Variants in GLIS2 observed in about 807,000 individuals in gnomAD.
GLIS2 encodes GLIS family zinc finger 2.
In GLIS2, 14 loss-of-function variants were observed where a neutral mutation model predicts 35.6. That is an observed-to-expected ratio of 0.39 (90% confidence interval 0.26 to 0.61). The LOEUF is 0.61. GLIS2 is among the 20% of genes least tolerant of loss of function. GLIS2 has a pLI of 0.48. For missense variants in GLIS2, 675 were observed against 713.4 expected, an observed-to-expected ratio of 0.95 and a Z score of 0.61; for synonymous variants, 368 against 325.1, an observed-to-expected ratio of 1.13 and a Z score of -1.42.
At chr16:4,331,893 G>A in intron 1 of GLIS2, 1 of 354,264 alleles carries the variant, frequency 2.8e-6, no homozygotes, top group Non-Finnish European at 5.5e-6. Flanking sequence ...AGGCTGCAGT[G>A]AGCTATGATT....
chr16:4,337,015 C>A lies in GLIS2; in HGVS notation c.1066C>A (p.Pro356Thr). ...TGTCAGTGGGGCCCAGATCATCATCCCCAACCCAGCTGCCCTCTTTGGAGG... is the reference window on the plus strand; with the variant it reads ...TGTCAGTGGGGCCCAGATCATCATCACCAACCCAGCTGCCCTCTTTGGAGG... ...PYVSGAQIII[P>T]NPAALFGGPG... Residue 356 changes from proline (P) to threonine (T), a missense_variant, in exon 7 of 7, where the codon CCC (proline) becomes ACC (threonine). Pro to Thr is a conservative substitution (Grantham distance 38, BLOSUM62 -1). Around this residue, in one of 3 missense-constraint regions of GLIS2, gnomAD observed 317 missense variants for 283.2 expected, o/e 1.12. Transcript: ENST00000433375. 6.2e-7 allele frequency: 1 copy of A among 1,603,260 alleles called. No individual in the cohort carries two copies. Among genetic ancestry groups the A allele is most frequent in the Non-Finnish European group, 8.5e-7 (1 of 1,177,686 alleles).
chr16:4,332,519 A>C lies in GLIS2; in HGVS notation c.172+67A>C. ...AGTCATGGTGACAGGGAGAATGGCCAAGTGTGTCCACCAGCATGTAGCTGC... is the reference window on the plus strand; with the variant it reads ...AGTCATGGTGACAGGGAGAATGGCCCAGTGTGTCCACCAGCATGTAGCTGC... On this transcript the variant is annotated intron_variant, in intron 2 of 6. Transcript: ENST00000433375. The surrounding 1 kb of genome is among the most constrained non-coding windows in gnomAD (Gnocchi z 5.4). 6.4e-7 allele frequency: 1 copy of C among 1,557,460 alleles called. No homozygotes were observed. Among genetic ancestry groups the C allele is most frequent in the South Asian group, 1.1e-5 (1 of 88,038 alleles).
rs544146062 is a variant in GLIS2, at chr16:4,331,657, T to A, written c.-66-558T>A. The A allele has an allele frequency of 6.3e-5, 10 of 158,662 alleles. No individual in the cohort carries two copies. The South Asian group carries it at 1.6e-3, about 26-fold the overall frequency. The allele number at this position is 158,662 out of a possible 1,614,324, so 9.8% of individuals were successfully genotyped here. A position where few individuals can be genotyped will look rare whatever the true frequency, so the allele number is the denominator to read the frequency against. The stretch of plus-strand genomic sequence containing the variant: ...GAGGCGATGCCTGTAAAAGACGCAG[T>A]TTCGCCAAGCGTGGTGGCTCAGGCA... On this transcript the variant is annotated intron_variant, in intron 1 of 6. Coordinates refer to ENST00000433375, the MANE Select transcript of GLIS2 (RefSeq NM_032575.3).
At chr16:4,318,092 C>G (rs903846118) in intron 1 of GLIS2, among the ~76,000 whole-genome samples, 5 of 152,184 alleles carry the variant, frequency 3.3e-5, no homozygotes, top group Non-Finnish European at 7.3e-5. Context: ...CCCTGGGAAG[C>G]CAGACAGTGA....
At chr16:4,336,134 T>C (rs2053548632) in intron 6 of GLIS2, 1 of 195,914 alleles carries the variant, frequency 5.1e-6, no homozygotes, top group Non-Finnish European at 1.1e-5. Context: ...TGCCAGGATG[T>C]GATCTCCAAG....
At chr16:4,321,158 A>G (rs1301010041) in intron 1 of GLIS2, among the ~76,000 whole-genome samples, 3 of 152,074 alleles carry the variant, frequency 2.0e-5, no homozygotes, top group African/African-American at 4.8e-5. Flanking sequence ...GCTGGGGGCC[A>G]GGGCTGGGAG....
At chr16:4,317,609 C>T (rs558208095) in intron 1 of GLIS2, among the ~76,000 whole-genome samples, 2 of 152,264 alleles carry the variant, frequency 1.3e-5, no homozygotes, top group African/African-American at 4.8e-5. Flanking sequence ...CCCTCTGCTT[C>T]TCCTTCTCCC....
At chr16:4,317,292 C>T (rs1344249687) in intron 1 of GLIS2, among the ~76,000 whole-genome samples, 1 of 152,152 alleles carries the variant, frequency 6.6e-6, no homozygotes, top group Non-Finnish European at 1.5e-5. Flanking sequence ...CGGCTGGGGA[C>T]CTGGCCAAGG....
chr16:4,331,021 GGCT>G (rs1382690848), intron 1 of GLIS2, among the ~76,000 whole-genome samples: 1 of 152,212 alleles, frequency 6.6e-6, no homozygotes, highest in African/African-American at 2.4e-5. Context: ...CTGTCGCCCA[GGCT>G]GGAGTGCAGT....
chr16:4,329,744 A>G lies in GLIS2; in HGVS notation c.-66-2471A>G, dbSNP rs913306439. On this transcript the variant is annotated intron_variant, in intron 1 of 6. Transcript: ENST00000433375. ...TCACCATGTAGTAGTTATGTCCACC[A>G]TGGCCGCCCTTTGGTATTGAGTAAA... 4.6e-5 allele frequency among the ~76,000 whole-genome samples: 7 copies of G among 152,356 alleles called. No individual in the cohort carries two copies. In the South Asian group the frequency reaches 1.4e-3, roughly 32 times the overall value.
chr16:4,325,644 C>CG (rs2053422112), intron 1 of GLIS2, among the ~76,000 whole-genome samples: 1 of 152,066 alleles, frequency 6.6e-6, no homozygotes, highest in African/African-American at 2.4e-5. Flanking sequence ...TAGAAGATGA[C>CG]GGGCTGGGCG....
At chr16:4,326,755 ATTT>A (rs35674831) in intron 1 of GLIS2, among the ~76,000 whole-genome samples, 8,824 of 110,030 alleles carry the variant, frequency 0.08, 559 homozygotes, top group African/African-American at 0.18. Flanking sequence ...ACGCCCAGCT[ATTT>A]TTTTTTTTTT....
At chr16:4,324,627 T>C (rs1428175143) in intron 1 of GLIS2, 1 of 152,334 alleles carries the variant, frequency 6.6e-6, no homozygotes, top group African/African-American at 2.4e-5. Context: ...GGCCAAAGGC[T>C]ATGGACTCAT....
intron 1 of GLIS2, among the ~76,000 whole-genome samples, chr16:4,326,797 G>A (rs1283633847): frequency 1.5e-5 from 2 of 136,754 alleles, no homozygotes; most frequent in East Asian, 4.3e-4. Flanking sequence ...GTCTCACTCC[G>A]TCGCCCAGGC....
intron 1 of GLIS2, among the ~76,000 whole-genome samples, chr16:4,319,246 G>C (rs1360242629): frequency 6.6e-6 from 1 of 152,114 alleles, no homozygotes; most frequent in Non-Finnish European, 1.5e-5. Flanking sequence ...GAGACCACAG[G>C]GGAACCCCGG....
intron 1 of GLIS2, among the ~76,000 whole-genome samples, chr16:4,324,297 G>C (rs1187883700): frequency 6.7e-6 from 1 of 149,870 alleles, no homozygotes; most frequent in Non-Finnish European, 1.5e-5. Context: ...TGCTGGGCCA[G>C]GCCTCAGGAT....
intron 1 of GLIS2, among the ~76,000 whole-genome samples, chr16:4,331,243 G>A (rs1245389627): frequency 3.3e-5 from 5 of 152,100 alleles, no homozygotes; most frequent in African/African-American, 1.2e-4. Flanking sequence ...GCCTCCCAAA[G>A]TGCTGGGATT....
upstream of GLIS2, chr16:4,315,318 A>G (rs1006507303): frequency 6.6e-6 from 1 of 151,992 alleles, no homozygotes; most frequent in Admixed American, 6.5e-5. Flanking sequence ...GCCGCCCGGC[A>G]TCGGGATCCG....
At chr16:4,327,673 C>T in intron 1 of GLIS2, among the ~76,000 whole-genome samples, 1 of 151,600 alleles carries the variant, frequency 6.6e-6, no homozygotes, top group South Asian at 2.1e-4. Context: ...GGGGGGCCCG[C>T]CCAGCCCACC....
Sources: gnomAD v4.1 joint callset for allele counts (sites outside exome capture counted in the v4.1 genomes callset) on GRCh38, gnomAD v4.1.1 for gene constraint, gnomAD v4.1.1 regional missense constraint, Gnocchi (gnomAD v3.1) non-coding constraint, MANE v1.5 for transcripts, NCBI Gene and HGNC (gene_info 2026-07-23, HGNC 2026-07-21) for gene names.